The following NOTCH1 variants were observed in gnomAD, a reference collection of about 807,000 sequenced individuals.
NOTCH1 encodes notch receptor 1.
Under a neutral mutation model 254.8 loss-of-function variants are expected in NOTCH1, and 37 were observed. The observed-to-expected ratio is 0.15, with a 90% CI of 0.11 to 0.19. The LOEUF is 0.19. Among genes scored for constraint, NOTCH1 ranks in the 10% least tolerant of loss-of-function variants. The probability of loss-of-function intolerance (pLI) is 1.00; values close to 1 mark genes in which losing one functional copy is unlikely to be tolerated. For synonymous variants in NOTCH1, 1,731 were observed against 1,618.1 expected, an observed-to-expected ratio of 1.07 and a Z score of -1.68; for missense variants, 2,972 against 3,708.6, an observed-to-expected ratio of 0.80 and a Z score of 5.16.
intron 2 of NOTCH1, among the ~76,000 whole-genome samples, chr9:136,536,926 G>C (rs1843665802): frequency 6.6e-6 from 1 of 152,266 alleles, no homozygotes; most frequent in Non-Finnish European, 1.5e-5. Context: ...TGGACGCTCA[G>C]TGACCGCGGC....
intron 2 of NOTCH1, 90 bp downstream of exon 2, chr9:136,543,931 GACA>G: frequency 8.2e-7 from 1 of 1,222,962 alleles, no homozygotes; most frequent in Non-Finnish European, 1.2e-6. Flanking sequence ...ATCTCCAGAA[GACA>G]ATGGCCTAGT....
At chr9:136,536,970 T>C (rs1843666434) in intron 2 of NOTCH1, among the ~76,000 whole-genome samples, 1 of 152,236 alleles carries the variant, frequency 6.6e-6, no homozygotes, top group African/African-American at 2.4e-5. Context: ...TAAGGGATGC[T>C]GAACAGCTTG....
rs1843058128 is a variant in NOTCH1 at position 136,505,048 on chromosome 9, C to T, written c.4643G>A (p.Gly1548Asp). The change falls in exon 26 of 34, where the codon GGC (glycine) becomes GAC (aspartate). Residue 1548 changes from glycine (G) to aspartate (D), a missense_variant. This residue lies in a region of NOTCH1 where 1,343 missense variants were observed against 1,557.0 expected (regional missense o/e 0.86). Transcript: ENST00000651671. ...CCACTCGCACTCCGCGCTGTTGCAG[C>T]CCTGGTCGCAGTGCCCGTCGCTGAA... Reference protein sequence around the residue: ...DHFSDGHCDQGCNSAECEWDG... With the variant: ...DHFSDGHCDQDCNSAECEWDG... The T allele has an allele frequency of 6.2e-7, 1 of 1,610,930 alleles. No individual in the cohort carries two copies. The highest frequency in any genetic ancestry group is 1.7e-5 in the Admixed American group (1 of 59,924).
chr9:136,496,656 C>T lies in NOTCH1; in HGVS notation c.7083G>A (p.Gln2361=), dbSNP rs147041036. The change falls in exon 34 of 34, where the codon CAG becomes CAA. Residue 2361 remains glutamine (Q), a synonymous_variant. Transcript: ENST00000651671. ...HSSLAASALS[Q]MMSYQGLPST... is the part of the protein sequence containing the mutation. ...TGGGCAGGCCCTGGTAGCTCATCAT[C>T]TGGGACAGGGCGCTGGCAGCAAGGC... 5.0e-6 allele frequency: 8 copies of T among 1,613,110 alleles called. No homozygotes were observed. Among genetic ancestry groups the T allele is most frequent in the African/African-American group, 1.3e-5 (1 of 75,062 alleles).
rs572455917 is a variant in NOTCH1, at chr9:136,542,100, T to C, written c.140+1924A>G. ...AGTGTTTTGCGGCCCTGTGGCAGGG[T>C]TTTAACCCAGACACCAGGGAGCTGC... On this transcript the variant is annotated intron_variant, in intron 2 of 33. Coordinates refer to ENST00000651671, the MANE Select transcript of NOTCH1 (RefSeq NM_017617.5). Among the ~76,000 whole-genome samples, 8 of 151,752 alleles carry C rather than the reference T, an allele frequency of 5.3e-5. No individual in the cohort carries two copies. In the East Asian group the frequency reaches 1.6e-3, roughly 30 times the overall value.
chr9:136,506,383 T>TAG lies in NOTCH1; in HGVS notation c.4014+143_4014+144insCT. The TAG allele has an allele frequency of 1.6e-6, 1 of 609,508 alleles. No homozygotes were observed. The highest frequency in any genetic ancestry group is 2.0e-5 in the South Asian group (1 of 48,970). 37.8% of individuals were successfully genotyped at this position (609,508 alleles called of 1,614,324 possible). On this transcript the variant is annotated intron_variant, in intron 24 of 33. Coordinates refer to ENST00000651671, the MANE Select transcript of NOTCH1 (RefSeq NM_017617.5). This position sits in a 1 kb window ranked among gnomAD's most constrained non-coding sequence, Gnocchi z 4.5. ...TGTCTCTAAAATCATTTATTGAAACTAAAAAAAAAAAAAAGACATCAGGGT... is the reference window on the plus strand; with the variant it reads ...TGTCTCTAAAATCATTTATTGAAACTAGAAAAAAAAAAAAAAGACATCAGGGT...
In NOTCH1 at chr9:136,508,401, G is replaced by T. The variant is rs778351939; in HGVS notation, c.3172-16C>A. ...GCACAAGGTTCTGGGGACAGATTGG[G>T]GTCAGCTGGGTGCCCGCGCCCCGGC... On this transcript the variant is annotated splice_polypyrimidine_tract_variant and intron_variant, in intron 19 of 33. Transcript: ENST00000651671. 1 of 1,613,012 alleles carries T rather than the reference G, an allele frequency of 6.2e-7. No individual in the cohort carries two copies. The highest frequency in any genetic ancestry group is 1.7e-5 in the Admixed American group (1 of 60,024).
chr9:136,539,697 G>T lies in NOTCH1; in HGVS notation c.140+4327C>A, dbSNP rs1015443040. ...TAACCCTGGCGCCCTTGAAGACCAG[G>T]TTCTGCATAAACAGGAGGTCCTGTC... is the stretch of plus-strand genomic sequence containing the variant. On this transcript the variant is annotated intron_variant, in intron 2 of 33. Coordinates refer to ENST00000651671, the MANE Select transcript of NOTCH1 (RefSeq NM_017617.5). Among the ~76,000 whole-genome samples the T allele has an allele frequency of 2.0e-5, 3 of 152,300 alleles. No homozygotes were observed. In the South Asian group the frequency reaches 6.2e-4, roughly 32 times the overall value.
chr9:136,505,248 C>T (rs1843062216), intron 25 of NOTCH1, 62 bp downstream of exon 25: 2 of 1,537,504 alleles, frequency 1.3e-6, no homozygotes, highest in Non-Finnish European at 8.8e-7. Flanking sequence ...GGCCTCCGGG[C>T]CCAAGCCAGG....
In NOTCH1 at chr9:136,504,735, C is replaced by T. The variant is rs1296059771; in HGVS notation, c.4956G>A (p.Leu1652=). 1 of 1,544,164 alleles carries T rather than the reference C, an allele frequency of 6.5e-7. No homozygotes were observed. Among genetic ancestry groups the T allele is most frequent in the Admixed American group, 2.0e-5 (1 of 50,832 alleles). Residue 1652 remains leucine (L), a synonymous_variant, in exon 26 of 34, where the codon CTG becomes CTA. Transcript: ENST00000651671. ...DALLGQVKAS[L]LPGGSEGGRR... is the part of the protein sequence containing the mutation. ...GCCCACCCTCGCTGCCACCAGGGAG[C>T]AGCGAGGCCTTCACCTGGCCCAGCA...
At position 136,518,182 on chromosome 9, in the gene NOTCH1, A is replaced by G. The variant is rs772970034; in HGVS notation, c.1210T>C (p.Tyr404His). ...TCCTGGCTGCAGGCCGGGCCCGTGT[A>G]CCCCGAGGGGCAGGTGCAGATGGCC... is the stretch of plus-strand genomic sequence containing the variant. ...GKAICTCPSGYTGPACSQDVD... is the reference protein window; with the variant it reads ...GKAICTCPSGHTGPACSQDVD... The change falls in exon 7 of 34, where the codon TAC becomes CAC. Residue 404 changes from tyrosine to histidine, a missense_variant. Tyr to His is a moderately conservative substitution (Grantham distance 83). Coordinates refer to ENST00000651671, the MANE Select transcript of NOTCH1 (RefSeq NM_017617.5). 1.9e-6 allele frequency: 3 copies of G among 1,602,344 alleles called. No homozygotes were observed. Among genetic ancestry groups the G allele is most frequent in the Non-Finnish European group, 2.6e-6 (3 of 1,174,948 alleles).
rs1235141133 is a variant in NOTCH1, at chr9:136,511,201, T to C, written c.2538A>G (p.Gln846=). The C allele has an allele frequency of 8.1e-6, 13 of 1,612,562 alleles. No homozygotes were observed. In the Admixed American group the frequency reaches 2.2e-4, roughly 27 times the overall value. ...SPCRNGGECR[Q]SEDYESFSCV... ...AGGAGAAGCTCTCATAGTCCTCGGA[T>C]TGCCTGCACTCCCCGCCGTTTCTGC... is the stretch of plus-strand genomic sequence containing the variant. Residue 846 remains glutamine, a synonymous_variant, in exon 16 of 34, where the codon CAA becomes CAG. Transcript: ENST00000651671.
intron 2 of NOTCH1, among the ~76,000 whole-genome samples, chr9:136,524,643 T>C (rs1051826364): frequency 5.6e-5 from 3 of 53,850 alleles, no homozygotes; most frequent in African/African-American, 1.1e-4. Context: ...TCTTTTCTTT[T>C]TTTTTTTTTT....
chr9:136,508,837 T>A, intron 19 of NOTCH1, 33 bp downstream of exon 19: 1 of 1,527,934 alleles, frequency 6.5e-7, no homozygotes, highest in South Asian at 1.2e-5. Context: ...CCAGGGCCCC[T>A]CCTTCGGGCA....
chr9:136,503,847 C>T (rs967000442), intron 26 of NOTCH1, among the ~76,000 whole-genome samples: 3 of 152,238 alleles, frequency 2.0e-5, no homozygotes, highest in Admixed American at 2.0e-4. Flanking sequence ...TTGCTCCAAG[C>T]CAGCAGAACT....
At chr9:136,531,440 C>T (rs568419949) in intron 2 of NOTCH1, among the ~76,000 whole-genome samples, 1 of 152,346 alleles carries the variant, frequency 6.6e-6, no homozygotes, top group South Asian at 2.1e-4. Flanking sequence ...GGCGCGTGTC[C>T]CCCGCACCCC....
At chr9:136,526,652 C>T (rs908751391) in intron 2 of NOTCH1, among the ~76,000 whole-genome samples, 8 of 152,216 alleles carry the variant, frequency 5.3e-5, no homozygotes, top group African/African-American at 1.4e-4. Flanking sequence ...GAATGGACCA[C>T]GACACTCTGC....
chr9:136,523,663 A>G (rs998865019), intron 3 of NOTCH1, 54 bp downstream of exon 3: 6 of 1,557,750 alleles, frequency 3.9e-6, no homozygotes, highest in Non-Finnish European at 5.2e-6. Context: ...TTGCCTGGGC[A>G]GCTGGCGGCG....
At chr9:136,542,544 CAAAAAAAAAAA>C (rs1174860714) in intron 2 of NOTCH1, among the ~76,000 whole-genome samples, 1 of 52,506 alleles carries the variant, frequency 1.9e-5, no homozygotes, top group Non-Finnish European at 4.2e-5. Flanking sequence ...CCCCAAAAAG[CAAAAAAAAAAA>C]AAAAAAAAAA....
Sources: gnomAD v4.1 joint callset for allele counts (sites outside exome capture counted in the v4.1 genomes callset) on GRCh38, gnomAD v4.1.1 for gene constraint, gnomAD v4.1.1 regional missense constraint, Gnocchi (gnomAD v3.1) non-coding constraint, MANE v1.5 for transcripts, NCBI Gene and HGNC (gene_info 2026-07-23, HGNC 2026-07-21) for gene names.